The following RGS7 variants were observed in gnomAD, a reference collection of about 807,000 sequenced individuals.
RGS7 encodes regulator of G protein signaling 7, also known as regulator of G-protein signaling 7.
RGS7 carries 27 observed loss-of-function variants against 81.1 expected under a neutral mutation model. The observed-to-expected ratio is 0.33, with a 90% CI of 0.25 to 0.46. RGS7 has a LOEUF of 0.46. RGS7 is among the 20% of genes least tolerant of loss of function. The pLI is 1.00. For missense variants in RGS7, 396 were observed against 607.4 expected, an observed-to-expected ratio of 0.65 and a Z score of 3.66; for synonymous variants, 208 against 207.7, an observed-to-expected ratio of 1.00 and a Z score of -0.01.
chr1:241,256,204 G>T (rs573208592), intron 2 of RGS7, among the ~76,000 whole-genome samples: 79 of 152,060 alleles, frequency 5.2e-4, no homozygotes, highest in Middle Eastern at 6.8e-3. Context: ...GAAAATTAGG[G>T]TGTCAATATT....
At chr1:241,252,587 T>C (rs1573363457) in intron 2 of RGS7, among the ~76,000 whole-genome samples, 1 of 152,174 alleles carries the variant, frequency 6.6e-6, no homozygotes, top group East Asian at 1.9e-4. Context: ...AGAAATTCTA[T>C]GATGTGATGC....
intron 6 of RGS7, among the ~76,000 whole-genome samples, chr1:240,891,206 G>GGGT (rs1553339419): frequency 6.6e-6 from 1 of 151,858 alleles, no homozygotes; most frequent in African/African-American, 2.4e-5. Flanking sequence ...ATCACTGGGG[G>GGGT]GGTGGTTATG....
At chr1:241,018,052 CA>C (rs2148683137) in intron 3 of RGS7, among the ~76,000 whole-genome samples, 1 of 151,818 alleles carries the variant, frequency 6.6e-6, no homozygotes, top group South Asian at 2.1e-4. Context: ...CTGCAACTTC[CA>C]TCTCTCAGGT....
intron 2 of RGS7, among the ~76,000 whole-genome samples, chr1:241,190,028 G>A (rs923827119): frequency 5.9e-5 from 9 of 152,094 alleles, no homozygotes; most frequent in African/African-American, 7.2e-5. Context: ...GCGTGAACCT[G>A]GGAGGCGGAG....
chr1:240,998,329 CT>C, intron 3 of RGS7: 1 of 439,930 alleles, frequency 2.3e-6, no homozygotes, highest in East Asian at 4.2e-5. Context: ...CTTCTCTCAG[CT>C]TCTTCAACTG....
At chr1:240,999,051 A>G (rs1687740335) in intron 3 of RGS7, among the ~76,000 whole-genome samples, 1 of 151,950 alleles carries the variant, frequency 6.6e-6, no homozygotes, top group Admixed American at 6.6e-5. Flanking sequence ...TCTGTCTTCT[A>G]TTTCACTGAC....
intron 18 of RGS7, among the ~76,000 whole-genome samples, chr1:240,799,560 C>T (rs1041611955): frequency 2.6e-5 from 4 of 152,032 alleles, no homozygotes; most frequent in South Asian, 2.1e-4. Context: ...TGAGATCAAG[C>T]TCTACCATGG....
At position 240,876,580 on chromosome 1, in the gene RGS7, A is replaced by G. The variant is rs529955832; in HGVS notation, c.386-6461T>C. Among the ~76,000 whole-genome samples, 12 of 152,328 alleles carry G rather than the reference A, an allele frequency of 7.9e-5. No individual in the cohort carries two copies. In the East Asian group the frequency reaches 2.3e-3, roughly 29 times the overall value. ...GGGAATAATCCATTCTGGCAAAAGA[A>G]GAGTGAAAGAGAGCTGCTGGTGGGC... On this transcript the variant is annotated intron_variant, in intron 6 of 18. Transcript: ENST00000440928.
At chr1:241,083,254 G>A (rs58707458) in intron 3 of RGS7, among the ~76,000 whole-genome samples, 9 of 142,118 alleles carry the variant, frequency 6.3e-5, no homozygotes, top group Admixed American at 2.1e-4. Context: ...AAAAGAAAAA[G>A]AAACAAAACA....
intron 3 of RGS7, among the ~76,000 whole-genome samples, chr1:241,010,101 T>C (rs2058883705): frequency 6.6e-6 from 1 of 152,058 alleles, no homozygotes; most frequent in African/African-American, 2.4e-5. Flanking sequence ...AGTTGACGGG[T>C]GCAGAAAACC....
At chr1:241,284,617 T>C (rs1156957649) in intron 2 of RGS7, among the ~76,000 whole-genome samples, 1 of 152,172 alleles carries the variant, frequency 6.6e-6, no homozygotes, top group African/African-American at 2.4e-5. Flanking sequence ...CTACTGACAT[T>C]GTGGTGGAAA....
intron 6 of RGS7, among the ~76,000 whole-genome samples, chr1:240,872,319 T>C (rs747176073): frequency 1.3e-5 from 2 of 152,130 alleles, no homozygotes; most frequent in Non-Finnish European, 2.9e-5. Flanking sequence ...AAGCAGGGCA[T>C]GGTGGCTTAT....
At chr1:241,186,319 T>C (rs2072096621) in intron 2 of RGS7, 1 of 176,178 alleles carries the variant, frequency 5.7e-6, no homozygotes, top group African/African-American at 2.4e-5. Context: ...ATCCTTCACC[T>C]GGCAAACAGA....
At chr1:241,107,540 A>C (rs2102933580) in intron 2 of RGS7, among the ~76,000 whole-genome samples, 1 of 152,264 alleles carries the variant, frequency 6.6e-6, no homozygotes, top group Admixed American at 6.5e-5. Context: ...CCTGTAACAT[A>C]ATCTAAGAAT....
At chr1:240,923,513 ACT>A (rs1673924625) in intron 6 of RGS7, among the ~76,000 whole-genome samples, 1 of 152,030 alleles carries the variant, frequency 6.6e-6, no homozygotes, top group African/African-American at 2.4e-5. Flanking sequence ...AATTTTTAAA[ACT>A]CTGCTCCCTA....
At position 240,812,753 on chromosome 1, in the gene RGS7, C is replaced by T. The variant is rs149867848; in HGVS notation, c.957-710G>A. Among the ~76,000 whole-genome samples the T allele has an allele frequency of 3.2e-3, 487 of 152,138 alleles. 4 individuals are homozygous for T. Among genetic ancestry groups the T allele is most frequent in the African/African-American group, 0.011 (473 of 41,508 alleles). ...CCAGGCACACATTTCTTAACCACTA[C>T]GCCACACAGGGTCATGCAGGTATAT... On this transcript the variant is annotated intron_variant, in intron 13 of 18. Transcript: ENST00000440928.
chr1:240,879,965 G>A (rs115450239), intron 6 of RGS7, among the ~76,000 whole-genome samples: 1 of 152,092 alleles, frequency 6.6e-6, no homozygotes, highest in African/African-American at 2.4e-5. Context: ...TGGAACAGTG[G>A]TTTTTTTAAA....
At chr1:241,134,809 GAA>G (rs1490118525) in intron 2 of RGS7, among the ~76,000 whole-genome samples, 3 of 152,112 alleles carry the variant, frequency 2.0e-5, no homozygotes, top group African/African-American at 7.2e-5. Flanking sequence ...CTGAAAGCTT[GAA>G]GAGATGAGAA....
chr1:241,174,646 A>G lies in RGS7; in HGVS notation c.79-75884T>C, dbSNP rs191149113. On this transcript the variant is annotated intron_variant, in intron 2 of 18. Transcript: ENST00000440928. ...GCTATCATTTTACACATGAGGAAAC[A>G]GCTAGTGGATCCAAAGCTAGAACAC... Among the ~76,000 whole-genome samples, 174 of 152,280 alleles carry G rather than the reference A, an allele frequency of 1.1e-3. 3 individuals carry two copies. Among genetic ancestry groups the G allele is most frequent in the Non-Finnish European group, 2.6e-4 (18 of 68,016 alleles).
Sources: allele counts gnomAD v4.1 joint callset (sites outside exome capture counted in the v4.1 genomes callset), GRCh38; gene constraint gnomAD v4.1.1; transcripts MANE v1.5; gene names NCBI Gene and HGNC (gene_info 2026-07-23, HGNC 2026-07-21).